The following PIK3R1 variants were observed in gnomAD, a reference collection of about 807,000 sequenced individuals.
PIK3R1 encodes the protein phosphoinositide-3-kinase regulatory subunit 1, also known as phosphatidylinositol 3-kinase regulatory subunit alpha.
A neutral mutation model predicts 98.0 loss-of-function variants in PIK3R1; 29 were observed. The ratio of observed to expected loss-of-function variants is 0.30; its 90% CI spans 0.22 to 0.40. PIK3R1 has a LOEUF of 0.40. PIK3R1 is among the 10% of genes least tolerant of loss of function. PIK3R1 has a pLI of 1.00. For synonymous variants in PIK3R1, 282 were observed against 311.8 expected (o/e 0.90, Z 1.01); for missense variants, 596 against 872.7 (o/e 0.68, Z 3.99).
At chr5:68,262,689 G>A (rs1263265431) in intron 2 of PIK3R1, among the ~76,000 whole-genome samples, 3 of 30,016 alleles carry the variant, frequency 1.0e-4, no homozygotes, top group African/African-American at 6.1e-4. Flanking sequence ...GTATCTGCAT[G>A]TATACACATG....
intron 1 of PIK3R1, 39 bp from the exon 2 acceptor site, chr5:68,226,251 G>A (rs1029716782): frequency 4.2e-5 from 17 of 406,812 alleles, no homozygotes; most frequent in East Asian, 1.7e-4. Flanking sequence ...ATGGCAAAGT[G>A]TGCTGTTCAT....
intron 2 of PIK3R1, among the ~76,000 whole-genome samples, chr5:68,271,727 C>T (rs2112157339): frequency 6.6e-6 from 1 of 152,316 alleles, no homozygotes; most frequent in Admixed American, 6.5e-5. Flanking sequence ...AGGATTTTCC[C>T]TCATAATATA....
intron 2 of PIK3R1, among the ~76,000 whole-genome samples, chr5:68,257,217 C>T (rs1049943812): frequency 1.3e-5 from 2 of 152,248 alleles, no homozygotes; most frequent in Non-Finnish European, 2.9e-5. Flanking sequence ...TGGCTGATAG[C>T]TGCTCCATCC....
At chr5:68,241,201 G>A (rs116222177) in intron 2 of PIK3R1, among the ~76,000 whole-genome samples, 1,532 of 151,982 alleles carry the variant, frequency 0.01, 19 homozygotes, top group African/African-American at 0.029. Context: ...TAGTAATTAA[G>A]GCCTCCTAAA....
intron 2 of PIK3R1, among the ~76,000 whole-genome samples, chr5:68,233,384 T>G: frequency 6.6e-6 from 1 of 152,228 alleles, no homozygotes; most frequent in South Asian, 2.1e-4. Flanking sequence ...CATGATGGAT[T>G]ATATCTGAAT....
intron 7 of PIK3R1, among the ~76,000 whole-genome samples, chr5:68,289,896 CTCTT>C: frequency 6.6e-6 from 1 of 151,810 alleles, no homozygotes; most frequent in Non-Finnish European, 1.5e-5. Flanking sequence ...GATCTATAGC[CTCTT>C]TCTTTTTGGA....
chr5:68,252,214 T>C (rs1745338874), intron 2 of PIK3R1, among the ~76,000 whole-genome samples: 1 of 152,166 alleles, frequency 6.6e-6, no homozygotes, highest in South Asian at 2.1e-4. Flanking sequence ...TCAGCAGAAT[T>C]ACAGGCCCAA....
At chr5:68,295,725 G>A (rs561427297) in intron 14 of PIK3R1, 1 of 551,806 alleles carries the variant, frequency 1.8e-6, no homozygotes, top group African/African-American at 1.9e-5. Flanking sequence ...TGTCCATAAT[G>A]ATGTCCCTGA....
At chr5:68,288,519 G>T (rs1469228238) in intron 7 of PIK3R1, 2 of 1,355,626 alleles carry the variant, frequency 1.5e-6, no homozygotes, top group Non-Finnish European at 1.9e-6. Context: ...GGGACGAGCC[G>T]AGCCGAGCCA....
chr5:68,262,176 C>A (rs548299170), intron 2 of PIK3R1, among the ~76,000 whole-genome samples: 2 of 152,016 alleles, frequency 1.3e-5, no homozygotes, highest in African/African-American at 4.8e-5. Context: ...ATTAAAACGA[C>A]TGATTGAATA....
chr5:68,288,512 A>ACGAGCCGAGC (rs138814985), intron 7 of PIK3R1: 37 of 1,324,400 alleles, frequency 2.8e-5, no homozygotes, highest in African/African-American at 1.1e-4. Flanking sequence ...GGGCGGAGGG[A>ACGAGCCGAGC]CGAGCCGAGC....
intron 2 of PIK3R1, among the ~76,000 whole-genome samples, chr5:68,265,406 T>C (rs1022964713): frequency 1.3e-5 from 2 of 152,122 alleles, no homozygotes; most frequent in African/African-American, 2.4e-5. Flanking sequence ...CTGGTGTTTA[T>C]GTCTGTACCA....
Position 68,299,263 on chromosome 5 carries a change from G to A in PIK3R1, c.*1662G>A, listed in dbSNP as rs1334805035. The A allele has an allele frequency of 3.0e-5, 7 of 233,468 alleles. No homozygotes were observed. The highest frequency in any genetic ancestry group is 5.6e-5 in the Admixed American group (1 of 17,774). The allele number at this position is 233,468 out of a possible 1,614,324, so 14.5% of individuals were successfully genotyped here. ...CATGATCTGAAAAATACTTTTGGTG[G>A]TATGTTGGTTACCCTCCTAGCTTTC... is the stretch of plus-strand genomic sequence containing the variant. On this transcript the variant is annotated 3_prime_UTR_variant, in exon 16 of 16. Transcript: ENST00000521381.
intron 2 of PIK3R1, among the ~76,000 whole-genome samples, chr5:68,269,986 A>G (rs552741141): frequency 6.6e-6 from 1 of 152,326 alleles, no homozygotes; most frequent in African/African-American, 2.4e-5. Flanking sequence ...AGCTTTTTTC[A>G]ATATTACAAA....
intron 2 of PIK3R1, among the ~76,000 whole-genome samples, chr5:68,236,441 G>C (rs1744674244): frequency 6.6e-6 from 1 of 151,418 alleles, no homozygotes; most frequent in South Asian, 2.1e-4. Flanking sequence ...TGTAGAGACG[G>C]GGTTTCACTG....
chr5:68,292,511 G>A lies in PIK3R1; in HGVS notation c.1019+150G>A, dbSNP rs771844129. On this transcript the variant is annotated intron_variant, in intron 8 of 15. Coordinates refer to ENST00000521381, the MANE Select transcript of PIK3R1 (RefSeq NM_181523.3). ...AAAGACGACCAGAAAAAGTCACTGA[G>A]CACTGGAGAACTGTGGGTGCTGGAT... 5 of 1,507,850 alleles carry A rather than the reference G, an allele frequency of 3.3e-6. 1 individual carries two copies. The highest frequency in any genetic ancestry group is 1.7e-4 in the Middle Eastern group (1 of 5,924). The allele number at this position is 1,507,850 out of a possible 1,614,324, so 93.4% of individuals were successfully genotyped here.
At chr5:68,271,569 A>G (rs549964418) in intron 2 of PIK3R1, among the ~76,000 whole-genome samples, 2 of 140,500 alleles carry the variant, frequency 1.4e-5, no homozygotes, top group Admixed American at 1.3e-4. Flanking sequence ...GGTTGTTTCC[A>G]TTTAAATCAG....
At chr5:68,286,036 G>T (rs1219869261) in intron 7 of PIK3R1, among the ~76,000 whole-genome samples, 1 of 152,144 alleles carries the variant, frequency 6.6e-6, no homozygotes, top group Non-Finnish European at 1.5e-5. Context: ...TAGGTTGAAA[G>T]CTGCTTGTGC....
At chr5:68,239,171 T>A (rs115281963) in intron 2 of PIK3R1, among the ~76,000 whole-genome samples, 2,588 of 152,304 alleles carry the variant, frequency 0.017, 73 homozygotes, top group African/African-American at 0.059. Flanking sequence ...TGCCTTTTTA[T>A]TGTTAAGCTT....
Sources: allele counts gnomAD v4.1 joint callset (sites outside exome capture counted in the v4.1 genomes callset), GRCh38; gene constraint gnomAD v4.1.1; transcripts MANE v1.5; gene names NCBI Gene and HGNC (gene_info 2026-07-23, HGNC 2026-07-21).